TAFA5: variants seen among roughly 807,000 people sequenced by gnomAD.
The protein encoded by TAFA5 is chemokine-like protein TAFA-5.
In TAFA5, 6 loss-of-function variants were observed where a neutral mutation model predicts 15.3. The observed-to-expected ratio is 0.39, with a 90% CI of 0.21 to 0.77. TAFA5 has a LOEUF of 0.77. Ranked by LOEUF, TAFA5 falls within the 30% of genes least tolerant of loss-of-function variation. The pLI, the probability that TAFA5 is intolerant of heterozygous loss-of-function variation, is 0.41. For synonymous variants in TAFA5, 103 were observed against 80.7 expected (o/e 1.28, Z -1.48); for missense variants, 161 against 193.1 (o/e 0.83, Z 0.98).
rs1921950696 is a variant in TAFA5, at chr22:48,530,967, G to A, written c.112+41263G>A. Among the ~76,000 whole-genome samples, 2 of 152,052 alleles carry A rather than the reference G, an allele frequency of 1.3e-5. No homozygotes were observed. Among genetic ancestry groups the A allele is most frequent in the Admixed American group, 6.5e-5 (1 of 15,286 alleles). ...CCTGTGCAAAGTGGTGCCCCTGCCCGCCCCGACCCCAGCCTTGTTAGGGGA... is the reference window on the plus strand; with the variant it reads ...CCTGTGCAAAGTGGTGCCCCTGCCCACCCCGACCCCAGCCTTGTTAGGGGA... On this transcript the variant is annotated intron_variant, in intron 1 of 3. Transcript: ENST00000402357. This position sits in a 1 kb window ranked among gnomAD's most constrained non-coding sequence, Gnocchi z 6.0.
At chr22:48,610,131 C>T (rs1246658085) in intron 1 of TAFA5, among the ~76,000 whole-genome samples, 1 of 150,606 alleles carries the variant, frequency 6.6e-6, no homozygotes, top group Non-Finnish European at 1.5e-5. Flanking sequence ...CCCAAGAGAA[C>T]CTAAGGTCGG....
At chr22:48,601,043 G>A (rs779282996) in intron 1 of TAFA5, among the ~76,000 whole-genome samples, 4 of 152,220 alleles carry the variant, frequency 2.6e-5, no homozygotes, top group Non-Finnish European at 5.9e-5. Flanking sequence ...AAGGGAGGAC[G>A]TACAGTCAGA....
chr22:48,534,752 G>C (rs1401508251), intron 1 of TAFA5, among the ~76,000 whole-genome samples: 1 of 152,308 alleles, frequency 6.6e-6, no homozygotes, highest in East Asian at 1.9e-4. Context: ...CCGGCTCTCC[G>C]GCGGGCACCG....
At chr22:48,686,833 T>TGATG (rs1193526708) in intron 2 of TAFA5, among the ~76,000 whole-genome samples, 11 of 141,748 alleles carry the variant, frequency 7.8e-5, no homozygotes, top group Non-Finnish European at 1.5e-4. Flanking sequence ...ATGGACTGAT[T>TGATG]GATGGATGGA....
chr22:48,702,745 G>A (rs916126589), intron 2 of TAFA5, among the ~76,000 whole-genome samples: 13 of 152,206 alleles, frequency 8.5e-5, no homozygotes, highest in Non-Finnish European at 4.4e-5. Context: ...CAGAGGGGAG[G>A]CCTCCTCACC....
chr22:48,532,260 A>G (rs73888433), intron 1 of TAFA5, among the ~76,000 whole-genome samples: 5,166 of 152,302 alleles, frequency 0.034, 283 homozygotes, highest in African/African-American at 0.12. Flanking sequence ...AGCACTCTTT[A>G]GGAGATTACG....
rs1930435923 is a variant in TAFA5, at chr22:48,749,982, G to T, written c.*135G>T. On this transcript the variant is annotated 3_prime_UTR_variant, in exon 4 of 4. Transcript: ENST00000402357. ...CCCACTCCGTTTCCCTGTGGTCCGT[G>T]AAGGACGGCCTCAGGCCTTGGCATC... is the stretch of plus-strand genomic sequence containing the variant. 1.1e-6 allele frequency: 1 copy of T among 890,384 alleles called. No individual in the cohort carries two copies. Among genetic ancestry groups the T allele is most frequent in the Non-Finnish European group, 1.8e-6 (1 of 568,342 alleles). The allele number at this position is 890,384 out of a possible 1,614,324, so 55.2% of individuals were successfully genotyped here.
intron 3 of TAFA5, among the ~76,000 whole-genome samples, chr22:48,722,258 T>G (rs1929590449): frequency 6.6e-6 from 1 of 152,356 alleles, no homozygotes; most frequent in Admixed American, 6.5e-5. Context: ...GGTATCTCAT[T>G]GTTTATTGCG....
At chr22:48,525,082 C>G (rs4823799) in intron 1 of TAFA5, among the ~76,000 whole-genome samples, 26,594 of 152,126 alleles carry the variant, frequency 0.17, 2,343 homozygotes, top group African/African-American at 0.19. Flanking sequence ...CCTCAACTTA[C>G]CAGAACCCTT....
At chr22:48,673,092 T>G (rs896008589) in intron 2 of TAFA5, among the ~76,000 whole-genome samples, 5 of 152,162 alleles carry the variant, frequency 3.3e-5, no homozygotes, top group Non-Finnish European at 7.3e-5. Context: ...ACTTGTCTCC[T>G]TTTCATCTGG....
intron 1 of TAFA5, among the ~76,000 whole-genome samples, chr22:48,613,012 C>T (rs1925467731): frequency 1.3e-5 from 2 of 152,146 alleles, no homozygotes; most frequent in Non-Finnish European, 2.9e-5. Flanking sequence ...CCTCTGGCAT[C>T]CCTGGCAGGG....
chr22:48,656,728 AT>A (rs140141634), intron 2 of TAFA5, among the ~76,000 whole-genome samples: 1 of 96,570 alleles, frequency 1.0e-5, no homozygotes. Flanking sequence ...ATGGAGTCTC[AT>A]TTTTTTTTCT....
At chr22:48,655,533 C>T (rs1927206082) in intron 2 of TAFA5, among the ~76,000 whole-genome samples, 2 of 152,162 alleles carry the variant, frequency 1.3e-5, no homozygotes. Flanking sequence ...GGGCCAGGCT[C>T]CCGCAGTCAA....
chr22:48,619,575 C>T (rs1388289652), intron 1 of TAFA5, among the ~76,000 whole-genome samples: 1 of 152,198 alleles, frequency 6.6e-6, no homozygotes, highest in Non-Finnish European at 1.5e-5. Context: ...AGGCTAGTCT[C>T]GATCTCTTGA....
intron 3 of TAFA5, among the ~76,000 whole-genome samples, chr22:48,748,106 G>A (rs1930380652): frequency 6.6e-6 from 1 of 152,144 alleles, no homozygotes; most frequent in Non-Finnish European, 1.5e-5. Flanking sequence ...TCAGGACCAC[G>A]CCCTCCGGTC....
chr22:48,518,043 G>GATGGGCAGGCCTAGCAGTGGACTTCA (rs1367691255), intron 1 of TAFA5, among the ~76,000 whole-genome samples: 10 of 152,344 alleles, frequency 6.6e-5, no homozygotes, highest in African/African-American at 2.4e-4. Context: ...CAGGCGGCTG[G>GATGGGCAGGCCTAGCAGTGGACTTCA]ATGGGCAGGC....
intron 2 of TAFA5, among the ~76,000 whole-genome samples, chr22:48,668,791 C>T (rs147389682): frequency 4.2e-4 from 64 of 152,138 alleles, no homozygotes; most frequent in African/African-American, 1.3e-3. Flanking sequence ...CCACAGGCCG[C>T]GATCTTGGGA....
chr22:48,725,196 T>G (rs1174619151), intron 3 of TAFA5, among the ~76,000 whole-genome samples: 1 of 152,220 alleles, frequency 6.6e-6, no homozygotes, highest in East Asian at 1.9e-4. Context: ...TGGGCAGGGC[T>G]TCCCACACCT....
Position 48,655,830 on chromosome 22 carries a change from C to CTTTTTTTTTTT in TAFA5, c.262+9101_262+9111dup, listed in dbSNP as rs1197219539. Among the ~76,000 whole-genome samples, 56 of 62,390 alleles carry CTTTTTTTTTTT rather than the reference C, an allele frequency of 9.0e-4. 3 individuals carry two copies. Among genetic ancestry groups the CTTTTTTTTTTT allele is most frequent in the East Asian group, 2.0e-3 (3 of 1,530 alleles). 40.9% of individuals were successfully genotyped at this position (62,390 alleles called of 152,430 possible). A position where few individuals can be genotyped will look rare whatever the true frequency, so the allele number is the denominator to read the frequency against. On this transcript the variant is annotated intron_variant, in intron 2 of 3. Transcript: ENST00000402357. ...GGCTTCCTGAAGCCAAACACTGATT[C>CTTTTTTTTTTT]TTTTTTTTTTTTTTTTTTTTTTTTT... is the stretch of plus-strand genomic sequence containing the variant.
Sources: allele counts gnomAD v4.1 joint callset (sites outside exome capture counted in the v4.1 genomes callset), GRCh38; gene constraint gnomAD v4.1.1; non-coding constraint Gnocchi (gnomAD v3.1); transcripts MANE v1.5; gene names NCBI Gene and HGNC (gene_info 2026-07-23, HGNC 2026-07-21).